The following PLEK variants were observed in gnomAD, a reference collection of about 807,000 sequenced individuals.
PLEK encodes pleckstrin, also known as platelet 47 kDa protein.
In PLEK, 25 loss-of-function variants were observed where a neutral mutation model predicts 43.9. The ratio of observed to expected loss-of-function variants is 0.57; its 90% CI spans 0.41 to 0.79. The LOEUF is 0.79. Ranked by LOEUF, PLEK falls within the 30% of genes least tolerant of loss-of-function variation. The pLI is 0.00. For synonymous variants in PLEK, 152 were observed against 144.4 expected (o/e 1.05, Z -0.38); for missense variants, 396 against 413.3 (o/e 0.96, Z 0.36).
intron 4 of PLEK, among the ~76,000 whole-genome samples, chr2:68,383,484 A>G (rs1345514246): frequency 4.0e-5 from 6 of 150,824 alleles, no homozygotes; most frequent in African/African-American, 1.5e-4. Context: ...GCAGAGGATG[A>G]GCAGAGGATG....
intron 1 of PLEK, among the ~76,000 whole-genome samples, chr2:68,375,499 A>G (rs888606866): frequency 2.0e-5 from 3 of 152,210 alleles, no homozygotes; most frequent in Non-Finnish European, 4.4e-5. Flanking sequence ...GATCTTGCTC[A>G]TTTTTAAAAG....
At chr2:68,382,660 G>A (rs373893138) in intron 4 of PLEK, 27 bp downstream of exon 4, 1 of 1,300,878 alleles carries the variant, frequency 7.7e-7, no homozygotes, top group Non-Finnish European at 1.1e-6. Context: ...GCCTGAAATA[G>A]GGCGACTGGG....
At chr2:68,378,490 C>A (rs1474881083) in intron 1 of PLEK, among the ~76,000 whole-genome samples, 1 of 152,156 alleles carries the variant, frequency 6.6e-6, no homozygotes, top group Non-Finnish European at 1.5e-5. Flanking sequence ...TCATGCAGAT[C>A]CTCAGGGCCT....
chr2:68,380,265 TAGG>T, intron 1 of PLEK, 60 bp from the exon 2 acceptor site: 1 of 1,343,828 alleles, frequency 7.4e-7, no homozygotes, highest in Non-Finnish European at 1.0e-6. Flanking sequence ...TCTTTCCTGT[TAGG>T]AGGAAAATAC....
At chr2:68,385,408 C>A (rs1279484548) in intron 4 of PLEK, among the ~76,000 whole-genome samples, 1 of 152,168 alleles carries the variant, frequency 6.6e-6, no homozygotes, top group African/African-American at 2.4e-5. Context: ...CTAGACTCTG[C>A]AAAGTCATGA....
At chr2:68,395,065 C>A (rs1673939289) in intron 8 of PLEK, among the ~76,000 whole-genome samples, 1 of 152,028 alleles carries the variant, frequency 6.6e-6, no homozygotes. Context: ...ACAGTATTGG[C>A]CAGGTTATTG....
chr2:68,374,528 T>C (rs1673467109), intron 1 of PLEK, among the ~76,000 whole-genome samples: 1 of 152,186 alleles, frequency 6.6e-6, no homozygotes, highest in East Asian at 1.9e-4. Context: ...AACAACTTTG[T>C]TTTTTAATTG....
At chr2:68,372,312 C>A (rs1399772084) in intron 1 of PLEK, among the ~76,000 whole-genome samples, 1 of 151,538 alleles carries the variant, frequency 6.6e-6, no homozygotes, top group Non-Finnish European at 1.5e-5. Context: ...TAGCTGGGAC[C>A]GTAGGTGTGC....
At chr2:68,376,476 C>T (rs1673503544) in intron 1 of PLEK, among the ~76,000 whole-genome samples, 1 of 152,182 alleles carries the variant, frequency 6.6e-6, no homozygotes, top group Admixed American at 6.5e-5. Context: ...AGCTGAGTTA[C>T]ATATTGTCCT....
intron 6 of PLEK, among the ~76,000 whole-genome samples, chr2:68,389,436 T>G (rs1673816905): frequency 6.6e-6 from 1 of 152,226 alleles, no homozygotes; most frequent in South Asian, 2.1e-4. Context: ...CTGGGGGATC[T>G]GATTTATTTC....
At chr2:68,383,351 CA>C in intron 4 of PLEK, among the ~76,000 whole-genome samples, 1 of 151,896 alleles carries the variant, frequency 6.6e-6, no homozygotes, top group African/African-American at 2.4e-5. Flanking sequence ...TCCAGGGGTT[CA>C]AAAAAAGAGA....
chr2:68,368,511 C>T (rs1258484260), intron 1 of PLEK, among the ~76,000 whole-genome samples: 1 of 152,254 alleles, frequency 6.6e-6, no homozygotes, highest in Non-Finnish European at 1.5e-5. Context: ...GAAAGGCAGG[C>T]TTGCCCTGGC....
intron 8 of PLEK, among the ~76,000 whole-genome samples, chr2:68,395,320 G>T (rs749327250): frequency 2.0e-5 from 3 of 151,766 alleles, no homozygotes; most frequent in Non-Finnish European, 4.4e-5. Context: ...TATGAGCAGA[G>T]GGAAGGTACC....
chr2:68,378,289 T>G (rs1442188226), intron 1 of PLEK, among the ~76,000 whole-genome samples: 2 of 152,208 alleles, frequency 1.3e-5, no homozygotes, highest in Non-Finnish European at 2.9e-5. Context: ...GGCTCAAATG[T>G]AGGTTCGAGT....
chr2:68,376,584 C>T (rs997737134), intron 1 of PLEK, among the ~76,000 whole-genome samples: 8 of 92,634 alleles, frequency 8.6e-5, no homozygotes, highest in Non-Finnish European at 1.4e-4. Context: ...TCAGTCTTAT[C>T]TATTAATAAT....
intron 1 of PLEK, among the ~76,000 whole-genome samples, chr2:68,375,860 C>A (rs1362318369): frequency 6.6e-6 from 1 of 152,174 alleles, no homozygotes; most frequent in African/African-American, 2.4e-5. Context: ...CTGTTTTAAT[C>A]AGAATGGTCA....
At chr2:68,376,340 C>T (rs1466681375) in intron 1 of PLEK, among the ~76,000 whole-genome samples, 1 of 152,112 alleles carries the variant, frequency 6.6e-6, no homozygotes, top group African/African-American at 2.4e-5. Flanking sequence ...GGTTGACTGT[C>T]ACTGTATATA....
intron 1 of PLEK, among the ~76,000 whole-genome samples, chr2:68,375,778 G>A (rs1190878019): frequency 1.3e-5 from 2 of 152,094 alleles, no homozygotes; most frequent in Non-Finnish European, 2.9e-5. Flanking sequence ...GTCATGACAG[G>A]GTGATATCAT....
intron 1 of PLEK, 89 bp from the exon 2 acceptor site, chr2:68,380,239 G>C (rs1367120214): frequency 9.2e-7 from 1 of 1,086,390 alleles, no homozygotes; most frequent in Non-Finnish European, 1.3e-6. Context: ...AAAACCAACT[G>C]TAAGTAAATA....
Sources: allele counts gnomAD v4.1 joint callset (sites outside exome capture counted in the v4.1 genomes callset), GRCh38; gene constraint gnomAD v4.1.1; transcripts MANE v1.5; gene names NCBI Gene and HGNC (gene_info 2026-07-23, HGNC 2026-07-21).